The following DPYD variants were observed in gnomAD, a reference collection of about 807,000 sequenced individuals.
DPYD encodes the protein dihydropyrimidine dehydrogenase [NADP(+)].
In DPYD, 109 loss-of-function variants were observed where a neutral mutation model predicts 116.2. The ratio of observed to expected loss-of-function variants is 0.94; its 90% CI spans 0.80 to 1.10. The LOEUF is 1.10. Ranked by LOEUF, DPYD falls within the 50% of genes least tolerant of loss-of-function variation. The probability of loss-of-function intolerance (pLI) is 0.00; values close to 1 mark genes in which losing one functional copy is unlikely to be tolerated. For missense variants in DPYD, 1,302 were observed against 1,254.5 expected, an observed-to-expected ratio of 1.04 and a Z score of -0.57; for synonymous variants, 440 against 432.0, an observed-to-expected ratio of 1.02 and a Z score of -0.23.
At chr1:97,637,325 C>A (rs1203030855) in intron 8 of DPYD, among the ~76,000 whole-genome samples, 1 of 152,154 alleles carries the variant, frequency 6.6e-6, no homozygotes, top group African/African-American at 2.4e-5. Flanking sequence ...CCCCCACTCC[C>A]CTACTAAGTT....
At chr1:97,324,244 A>G (rs1227451482) in intron 16 of DPYD, among the ~76,000 whole-genome samples, 2 of 151,954 alleles carry the variant, frequency 1.3e-5, no homozygotes, top group Admixed American at 1.3e-4. Flanking sequence ...TTCACTTCTG[A>G]CAGCCAGTCA....
intron 12 of DPYD, among the ~76,000 whole-genome samples, chr1:97,530,146 C>T (rs1166060059): frequency 3.3e-5 from 5 of 150,612 alleles, no homozygotes; most frequent in Non-Finnish European, 5.9e-5. Flanking sequence ...ACAAACAGTA[C>T]AATTTCTTTC....
At chr1:97,110,765 C>T (rs138738925) in intron 20 of DPYD, among the ~76,000 whole-genome samples, 1 of 152,054 alleles carries the variant, frequency 6.6e-6, no homozygotes, top group East Asian at 1.9e-4. Flanking sequence ...CATAATGAAG[C>T]TAACAACAAT....
intron 14 of DPYD, among the ~76,000 whole-genome samples, chr1:97,440,300 G>C (rs947278781): frequency 6.7e-6 from 1 of 150,236 alleles, no homozygotes; most frequent in Non-Finnish European, 1.5e-5. Flanking sequence ...GAAAATCTCT[G>C]CCCTTTAATT....
At chr1:97,700,293 G>A (rs1335158733) in intron 5 of DPYD, 3 of 455,748 alleles carry the variant, frequency 6.6e-6, no homozygotes, top group African/African-American at 4.0e-5. Context: ...AAATGTAGGA[G>A]GCCATTAACC....
At chr1:97,138,591 T>C (rs918924830) in intron 20 of DPYD, among the ~76,000 whole-genome samples, 4 of 151,930 alleles carry the variant, frequency 2.6e-5, no homozygotes, top group African/African-American at 4.8e-5. Flanking sequence ...ATTTGCTTAA[T>C]AAACTGCATT....
chr1:97,756,178 C>G (rs1160439240), intron 3 of DPYD, among the ~76,000 whole-genome samples: 1 of 151,990 alleles, frequency 6.6e-6, no homozygotes, highest in Non-Finnish European at 1.5e-5. Context: ...ACTGTGTAAC[C>G]AAAGAGATCA....
chr1:97,831,955 T>C (rs1467931086), intron 2 of DPYD, among the ~76,000 whole-genome samples: 1 of 151,814 alleles, frequency 6.6e-6, no homozygotes, highest in Non-Finnish European at 1.5e-5. Flanking sequence ...CAGGCACAGG[T>C]TAGCTCTAAT....
chr1:97,185,030 G>A (rs897818073), intron 20 of DPYD, among the ~76,000 whole-genome samples: 4 of 152,032 alleles, frequency 2.6e-5, no homozygotes, highest in African/African-American at 4.8e-5. Context: ...TTTTGTAGAC[G>A]TTTCCTTCTA....
At chr1:97,288,449 C>T (rs1570435187) in intron 18 of DPYD, among the ~76,000 whole-genome samples, 1 of 151,898 alleles carries the variant, frequency 6.6e-6, no homozygotes, top group East Asian at 1.9e-4. Flanking sequence ...AAGCTCTCCT[C>T]AGCAAATGTA....
intron 8 of DPYD, among the ~76,000 whole-genome samples, chr1:97,615,277 A>G (rs1159667399): frequency 1.3e-5 from 2 of 152,112 alleles, no homozygotes; most frequent in African/African-American, 4.8e-5. Flanking sequence ...CAAATGTTCT[A>G]TTATTCACAC....
intron 16 of DPYD, among the ~76,000 whole-genome samples, chr1:97,346,263 T>A (rs1337088778): frequency 6.6e-6 from 1 of 151,824 alleles, no homozygotes; most frequent in Non-Finnish European, 1.5e-5. Context: ...AGTCTTTTTA[T>A]CTCTTCTACC....
intron 20 of DPYD, among the ~76,000 whole-genome samples, chr1:97,182,886 T>G (rs1657738425): frequency 6.6e-6 from 1 of 152,174 alleles, no homozygotes; most frequent in Non-Finnish European, 1.5e-5. Flanking sequence ...TTTCTAATTA[T>G]TACAGTTTAC....
chr1:97,633,516 A>C (rs1657393050), intron 8 of DPYD, among the ~76,000 whole-genome samples: 1 of 152,088 alleles, frequency 6.6e-6, no homozygotes, highest in Non-Finnish European at 1.5e-5. Context: ...TAATCAAACC[A>C]AATCATCAAC....
intron 14 of DPYD, among the ~76,000 whole-genome samples, chr1:97,392,061 C>T (rs919463753): frequency 3.6e-4 from 54 of 151,994 alleles, no homozygotes; most frequent in African/African-American, 1.2e-3. Flanking sequence ...CACCATACAA[C>T]AGGAACACTT....
intron 10 of DPYD, among the ~76,000 whole-genome samples, chr1:97,592,371 A>G (rs1157622481): frequency 1.3e-5 from 2 of 152,036 alleles, no homozygotes; most frequent in African/African-American, 4.8e-5. Context: ...ACATGTTATT[A>G]TTACTATTTT....
chr1:97,509,775 GA>G (rs1220670467), intron 13 of DPYD, among the ~76,000 whole-genome samples: 1 of 151,872 alleles, frequency 6.6e-6, no homozygotes, highest in African/African-American at 2.4e-5. Context: ...TAAGACTTTA[GA>G]AAGACCTAAG....
chr1:97,120,164 T>G (rs745731748), intron 20 of DPYD, among the ~76,000 whole-genome samples: 2 of 152,208 alleles, frequency 1.3e-5, no homozygotes, highest in Non-Finnish European at 2.9e-5. Flanking sequence ...GTTAATGCCC[T>G]TTCTTCATAT....
At chr1:97,261,924 A>G (rs916460697) in intron 18 of DPYD, among the ~76,000 whole-genome samples, 1 of 151,858 alleles carries the variant, frequency 6.6e-6, no homozygotes, top group African/African-American at 2.4e-5. Flanking sequence ...TCTTGAAAAT[A>G]TCATAATTAT....
Sources: gnomAD v4.1 joint callset for allele counts (sites outside exome capture counted in the v4.1 genomes callset) on GRCh38, gnomAD v4.1.1 for gene constraint, MANE v1.5 for transcripts, NCBI Gene and HGNC (gene_info 2026-07-23, HGNC 2026-07-21) for gene names.